NRTN: variants seen among roughly 807,000 people sequenced by gnomAD.
NRTN encodes the protein prepro-neurturin.
A neutral mutation model predicts 7.5 loss-of-function variants in NRTN; 3 were observed. The ratio of observed to expected loss-of-function variants is 0.40; its 90% confidence interval spans 0.18 to 1.03. The LOEUF (loss-of-function observed/expected upper bound fraction) is 1.03, where lower values mean the gene tolerates loss of function less well. NRTN is among the 50% of genes least tolerant of loss of function. The pLI is 0.34. For missense variants in NRTN, 310 were observed against 307.0 expected (o/e 1.01, Z -0.07); for synonymous variants, 157 against 146.6 (o/e 1.07, Z -0.51).
intron 2 of NRTN, among the ~76,000 whole-genome samples, chr19:5,827,547 C>T (rs1042957635): frequency 5.3e-5 from 8 of 152,004 alleles, no homozygotes; most frequent in African/African-American, 1.9e-4. Context: ...GTGTACGTGC[C>T]CCCCAGTGCC....
chr19:5,820,735 CAAGAAAAAAAA>C lies in NRTN; in HGVS notation c.-398-3030_-398-3020del, dbSNP rs1261525560. ...TGGGCAACAGAGTGAAACTCTGTCT[CAAGAAAAAAAA>C]AAAAAAAAAAAAAAAAAAAAAGGAA... On this transcript the variant is annotated intron_variant, in intron 1 of 2. Coordinates refer to ENST00000303212, the MANE Select transcript of NRTN (RefSeq NM_004558.5). Among the ~76,000 whole-genome samples, 109 of 62,134 alleles carry C rather than the reference CAAGAAAAAAAA, an allele frequency of 1.8e-3. 1 individual carries two copies. The highest frequency in any genetic ancestry group is 6.1e-3 in the African/African-American group (102 of 16,590). The allele number at this position is 62,134 out of a possible 152,430, so 40.8% of individuals were successfully genotyped here. A position where few individuals can be genotyped will look rare whatever the true frequency, so the allele number is the denominator to read the frequency against.
At chr19:5,825,718 C>T (rs1465230692) in intron 2 of NRTN, among the ~76,000 whole-genome samples, 3 of 152,250 alleles carry the variant, frequency 2.0e-5, no homozygotes, top group East Asian at 1.9e-4. Context: ...CGAGTGGCCA[C>T]TGACTCCCCA....
intron 1 of NRTN, among the ~76,000 whole-genome samples, chr19:5,816,705 C>T (rs1599636223): frequency 6.6e-6 from 1 of 152,230 alleles, no homozygotes; most frequent in East Asian, 1.9e-4. Context: ...TTTTCTGAGA[C>T]AGGGTCTCCC....
intron 1 of NRTN, among the ~76,000 whole-genome samples, chr19:5,813,500 C>T (rs912747849): frequency 1.3e-5 from 2 of 152,012 alleles, no homozygotes; most frequent in African/African-American, 2.4e-5. Flanking sequence ...GGTGGAACCT[C>T]GTTTCTAATA....
intron 1 of NRTN, among the ~76,000 whole-genome samples, chr19:5,809,901 G>A (rs971359803): frequency 6.6e-6 from 1 of 152,112 alleles, no homozygotes; most frequent in South Asian, 2.1e-4. Context: ...TGTGGAGTCC[G>A]GGAGAGAACA....
At position 5,815,134 on chromosome 19, in the gene NRTN, G is replaced by A. The variant is rs550724942; in HGVS notation, c.-398-8634G>A. Among the ~76,000 whole-genome samples, 12 of 152,318 alleles carry A rather than the reference G, an allele frequency of 7.9e-5. No homozygotes were observed. The East Asian group carries it at 1.4e-3, about 17-fold the overall frequency. On this transcript the variant is annotated intron_variant, in intron 1 of 2. Transcript: ENST00000303212. ...CTTTGCAGCTGTGGGCGTTGGTGGCGTGTTCACCTGTGCACCCCTGTGTGT... is the reference window on the plus strand; with the variant it reads ...CTTTGCAGCTGTGGGCGTTGGTGGCATGTTCACCTGTGCACCCCTGTGTGT...
intron 1 of NRTN, among the ~76,000 whole-genome samples, chr19:5,809,689 G>A (rs1215640890): frequency 3.3e-5 from 5 of 152,116 alleles, no homozygotes; most frequent in South Asian, 2.1e-4. Flanking sequence ...TGCTGGAGGC[G>A]GAACCCAGCC....
At chr19:5,827,248 TAGG>T (rs1042621494) in intron 2 of NRTN, among the ~76,000 whole-genome samples, 7 of 152,100 alleles carry the variant, frequency 4.6e-5, no homozygotes, top group Admixed American at 1.3e-4. Context: ...TAAAGAGGGA[TAGG>T]GCATGGGAAG....
At chr19:5,822,119 G>A (rs1412963162) in intron 1 of NRTN, among the ~76,000 whole-genome samples, 1 of 151,818 alleles carries the variant, frequency 6.6e-6, no homozygotes, top group Non-Finnish European at 1.5e-5. Flanking sequence ...TCCTGTCGTC[G>A]CCGTCCATGG....
chr19:5,807,733 G>A (rs577246007), intron 1 of NRTN, among the ~76,000 whole-genome samples: 1 of 152,368 alleles, frequency 6.6e-6, no homozygotes, highest in South Asian at 2.1e-4. Flanking sequence ...GGCACTGTTC[G>A]TGCTTAAATA....
At chr19:5,818,753 G>A (rs972025963) in intron 1 of NRTN, among the ~76,000 whole-genome samples, 8 of 150,774 alleles carry the variant, frequency 5.3e-5, no homozygotes, top group African/African-American at 9.8e-5. Flanking sequence ...CGTGCCCTCC[G>A]CCACACCCAC....
At position 5,805,404 on chromosome 19, in the gene NRTN, C is replaced by G. The variant is rs2056972181; in HGVS notation, c.-446C>G. Among the ~76,000 whole-genome samples, 1 of 44 alleles carries G rather than the reference C, an allele frequency of 0.023. No homozygotes were observed. Among genetic ancestry groups the G allele is most frequent in the Non-Finnish European group, 0.045 (1 of 22 alleles). The allele number at this position is 44 out of a possible 152,430, so 0.0% of individuals were successfully genotyped here. A position where few individuals can be genotyped will look rare whatever the true frequency, so the allele number is the denominator to read the frequency against. ...GCGGTCGCGGCGGCTGGGGCAGGGG[C>G]TGGGGCCGCGCGGCCGCCACTGACG... On this transcript the variant is annotated 5_prime_UTR_variant, in exon 1 of 3. Coordinates refer to ENST00000303212, the MANE Select transcript of NRTN (RefSeq NM_004558.5).
chr19:5,818,877 C>T (rs891116860), intron 1 of NRTN, among the ~76,000 whole-genome samples: 1 of 151,920 alleles, frequency 6.6e-6, no homozygotes, highest in African/African-American at 2.4e-5. Flanking sequence ...GGGCCCCCTC[C>T]GCCAATGGCC....
At chr19:5,826,529 C>G (rs1045176649) in intron 2 of NRTN, among the ~76,000 whole-genome samples, 1 of 152,202 alleles carries the variant, frequency 6.6e-6, no homozygotes, top group Non-Finnish European at 1.5e-5. Flanking sequence ...CCCACCAAAC[C>G]CCAGGAGACA....
At chr19:5,805,842 T>C (rs562720519) in intron 1 of NRTN, among the ~76,000 whole-genome samples, 3 of 151,866 alleles carry the variant, frequency 2.0e-5, no homozygotes, top group South Asian at 2.1e-4. Context: ...CAAGGGGCCG[T>C]TGGGGGGCTT....
At chr19:5,813,219 A>AC (rs981704471) in intron 1 of NRTN, among the ~76,000 whole-genome samples, 135 of 151,716 alleles carry the variant, frequency 8.9e-4, no homozygotes, top group Middle Eastern at 6.8e-3. Flanking sequence ...TATTAAAAAA[A>AC]ATTTTTTTTA....
chr19:5,817,933 G>A (rs2144761571), intron 1 of NRTN, among the ~76,000 whole-genome samples: 1 of 152,146 alleles, frequency 6.6e-6, no homozygotes, highest in South Asian at 2.1e-4. Context: ...CCGAGTAGCT[G>A]GGATTACAGG....
At chr19:5,815,801 A>G (rs1412823599) in intron 1 of NRTN, among the ~76,000 whole-genome samples, 2 of 142,414 alleles carry the variant, frequency 1.4e-5, no homozygotes, top group African/African-American at 2.7e-5. Context: ...CTGGAGTGCA[A>G]TGGTGCGATC....
intron 1 of NRTN, among the ~76,000 whole-genome samples, chr19:5,805,656 C>T (rs2056973073): frequency 6.6e-6 from 1 of 151,748 alleles, no homozygotes; most frequent in Non-Finnish European, 1.5e-5. Context: ...GAAGCCAGAT[C>T]CTAAGCGGCT....
Sources: allele counts gnomAD v4.1 joint callset (sites outside exome capture counted in the v4.1 genomes callset), GRCh38; gene constraint gnomAD v4.1.1; transcripts MANE v1.5; gene names NCBI Gene and HGNC (gene_info 2026-07-23, HGNC 2026-07-21).